Variants in PTH2R observed in about 807,000 individuals in gnomAD.
PTH2R encodes the protein parathyroid hormone 2 receptor.
In PTH2R, 59 loss-of-function variants were observed where a neutral mutation model predicts 60.3. That is an observed-to-expected ratio of 0.98 (90% CI 0.79 to 1.22). PTH2R has a LOEUF of 1.22. Among genes scored for constraint, PTH2R ranks in the 50% most tolerant of loss-of-function variants. The pLI, the probability that PTH2R is intolerant of heterozygous loss-of-function variation, is 0.00. For synonymous variants in PTH2R, 256 were observed against 243.8 expected (o/e 1.05, Z -0.47); for missense variants, 749 against 682.6 (o/e 1.10, Z -1.08).
chr2:208,360,037 C>T (rs952441561), exon 1 of PTH2R: 28 of 337,130 alleles, frequency 8.3e-5, no homozygotes, highest in African/African-American at 4.5e-4. Flanking sequence ...TTTTTTGGGT[C>T]GGAGAGGAAT....
At chr2:208,477,970 G>GCAC (rs1559231931) in intron 9 of PTH2R, among the ~76,000 whole-genome samples, 56 of 28,536 alleles carry the variant, frequency 2.0e-3, no homozygotes, top group South Asian at 0.017. Context: ...ACTAGTACTA[G>GCAC]TACTACTAGC....
chr2:208,434,726 A>G (rs139612203), intron 2 of PTH2R, among the ~76,000 whole-genome samples: 10 of 152,348 alleles, frequency 6.6e-5, no homozygotes, highest in Non-Finnish European at 1.5e-4. Context: ...GTTCAGATAT[A>G]TAAAGACATG....
At chr2:208,471,761 C>A (rs1230401039) in intron 9 of PTH2R, among the ~76,000 whole-genome samples, 1 of 152,120 alleles carries the variant, frequency 6.6e-6, no homozygotes, top group Admixed American at 6.5e-5. Flanking sequence ...TCCTCCAGAC[C>A]CCAGAATGGT....
At chr2:208,420,808 TTG>T (rs1363613817) in intron 1 of PTH2R, among the ~76,000 whole-genome samples, 1 of 152,220 alleles carries the variant, frequency 6.6e-6, no homozygotes, top group East Asian at 1.9e-4. Context: ...TTATACATAC[TTG>T]TGTGTGTGCA....
intron 1 of PTH2R, among the ~76,000 whole-genome samples, chr2:208,394,815 GAATTA>G (rs1220665772): frequency 6.6e-6 from 1 of 151,882 alleles, no homozygotes; most frequent in Non-Finnish European, 1.5e-5. Flanking sequence ...TTTATTTAAG[GAATTA>G]AATTATTTAA....
At chr2:208,463,195 ATCT>A (rs1702667273) in intron 9 of PTH2R, among the ~76,000 whole-genome samples, 2 of 151,924 alleles carry the variant, frequency 1.3e-5, no homozygotes, top group Admixed American at 6.6e-5. Context: ...ATGTCATCTC[ATCT>A]TCTCCCTCCT....
intron 2 of PTH2R, among the ~76,000 whole-genome samples, chr2:208,436,199 G>A (rs1702071409): frequency 6.6e-6 from 1 of 152,176 alleles, no homozygotes; most frequent in Non-Finnish European, 1.5e-5. Flanking sequence ...AATACAGCAG[G>A]AAAAGGTATA....
At chr2:208,413,108 T>G (rs1472370098) in intron 1 of PTH2R, among the ~76,000 whole-genome samples, 4 of 150,416 alleles carry the variant, frequency 2.7e-5, no homozygotes, top group African/African-American at 9.8e-5. Context: ...AACACAGATG[T>G]AGTTATTTCA....
At chr2:208,379,397 A>G (rs1295124573) in intron 1 of PTH2R, among the ~76,000 whole-genome samples, 1 of 152,144 alleles carries the variant, frequency 6.6e-6, no homozygotes, top group African/African-American at 2.4e-5. Flanking sequence ...AATACTTAAT[A>G]ATTAATTCAG....
intron 1 of PTH2R, among the ~76,000 whole-genome samples, chr2:208,421,872 C>G (rs141454255): frequency 6.6e-6 from 1 of 152,072 alleles, no homozygotes; most frequent in African/African-American, 2.4e-5. Context: ...TCTTATAGAC[C>G]AGCTCAGTTT....
At chr2:208,368,517 T>A (rs191149152) in intron 1 of PTH2R, among the ~76,000 whole-genome samples, 1 of 151,210 alleles carries the variant, frequency 6.6e-6, no homozygotes, top group Admixed American at 6.5e-5. Context: ...TAACTGTTTT[T>A]TTTTTGTTTT....
At chr2:208,373,309 CT>C (rs201563172) in intron 1 of PTH2R, among the ~76,000 whole-genome samples, 1 of 151,750 alleles carries the variant, frequency 6.6e-6, no homozygotes, top group Non-Finnish European at 1.5e-5. Context: ...TTTTGTAAAT[CT>C]TTTTTTTGGT....
chr2:208,473,235 G>C (rs1160704394), intron 9 of PTH2R, among the ~76,000 whole-genome samples: 1 of 152,136 alleles, frequency 6.6e-6, no homozygotes, highest in African/African-American at 2.4e-5. Flanking sequence ...ACCCAATCTA[G>C]ATAACATTTC....
At chr2:208,442,308 G>T (rs1702200939) in intron 4 of PTH2R, 56 bp from the exon 5 acceptor site, 1 of 1,243,342 alleles carries the variant, frequency 8.0e-7, no homozygotes, top group Non-Finnish European at 1.2e-6. Flanking sequence ...CTATTTCTTT[G>T]CCAGTTTATT....
At chr2:208,484,799 A>G (rs1341061996) in intron 10 of PTH2R, among the ~76,000 whole-genome samples, 1 of 152,184 alleles carries the variant, frequency 6.6e-6, no homozygotes, top group Non-Finnish European at 1.5e-5. Flanking sequence ...ACTGCATCAC[A>G]CTGAATGGAT....
intron 2 of PTH2R, among the ~76,000 whole-genome samples, chr2:208,429,458 T>C (rs748817104): frequency 6.6e-6 from 1 of 152,198 alleles, no homozygotes; most frequent in African/African-American, 2.4e-5. Flanking sequence ...TTTGTAGATA[T>C]ACAGTAGCCC....
chr2:208,372,173 G>A (rs768842204), intron 1 of PTH2R, among the ~76,000 whole-genome samples: 16 of 151,962 alleles, frequency 1.1e-4, no homozygotes, highest in Admixed American at 2.6e-4. Flanking sequence ...CGCCCGCCTC[G>A]GCCTCCCAAG....
At chr2:208,468,354 C>T (rs1702801663) in intron 9 of PTH2R, among the ~76,000 whole-genome samples, 1 of 152,140 alleles carries the variant, frequency 6.6e-6, no homozygotes, top group African/African-American at 2.4e-5. Context: ...CTAATCCGAC[C>T]AATAACTCTA....
chr2:208,423,891 C>G (rs1342239767), intron 1 of PTH2R, among the ~76,000 whole-genome samples: 1 of 152,108 alleles, frequency 6.6e-6, no homozygotes, highest in African/African-American at 2.4e-5. Context: ...TGGTCTGGTA[C>G]TAATATAACT....
Sources: gnomAD v4.1 joint callset for allele counts (sites outside exome capture counted in the v4.1 genomes callset) on GRCh38, gnomAD v4.1.1 for gene constraint, MANE v1.5 for transcripts, NCBI Gene and HGNC (gene_info 2026-07-23, HGNC 2026-07-21) for gene names.